Variants in DEFB131B observed in about 807,000 individuals in gnomAD.
The protein encoded by DEFB131B is defensin beta 131B.
In DEFB131B, 2 loss-of-function variants were observed where a neutral mutation model predicts 2.1. The ratio of observed to expected loss-of-function variants is 0.94; its 90% CI spans 0.38 to 2.95. The LOEUF (loss-of-function observed/expected upper bound fraction) is 2.95, where lower values mean the gene tolerates loss of function less well. DEFB131B is among the 30% of genes most tolerant of loss of function. The pLI is 0.09. For synonymous variants in DEFB131B, 26 were observed against 25.8 expected, an observed-to-expected ratio of 1.01 and a Z score of -0.03; for missense variants, 77 against 78.5, an observed-to-expected ratio of 0.98 and a Z score of 0.07.
chr11:71,884,483 T>C lies in DEFB131B; in HGVS notation c.135T>C (p.His45=). ...GACTGAAGTGCAATGCTGATGAACA[T>C]GCAATTAGATACTGTGCTGACTTCA... The part of the protein sequence containing the change: ...HCRLKCNADE[H]AIRYCADFSI... Residue 45 remains histidine, a synonymous_variant, in exon 2 of 2, where the codon CAT becomes CAC. Transcript: ENST00000530210. 1 of 1,610,418 alleles carries C rather than the reference T, an allele frequency of 6.2e-7. No individual in the cohort carries two copies. The highest frequency in any genetic ancestry group is 8.5e-7 in the Non-Finnish European group (1 of 1,178,862).
intron 1 of DEFB131B, among the ~76,000 whole-genome samples, chr11:71,881,381 T>TA (rs1233578946): frequency 6.6e-6 from 1 of 152,136 alleles, no homozygotes; most frequent in African/African-American, 2.4e-5. Context: ...AAGTACCACA[T>TA]AATGGGTGCC....
At position 71,884,533 on chromosome 11, in the gene DEFB131B, T is replaced by G. The variant is rs771063140; in HGVS notation, c.185T>G (p.Ile62Ser). 9 of 1,607,758 alleles carry G rather than the reference T, an allele frequency of 5.6e-6. No homozygotes were observed. The highest frequency in any genetic ancestry group is 2.2e-5 in the East Asian group (1 of 44,724). Residue 62 changes from isoleucine to serine, a missense_variant, in exon 2 of 2, where the codon ATT becomes AGT. By Grantham distance (142) the Ile-to-Ser change is moderately radical. Transcript: ENST00000530210. Reference protein sequence around the residue: ...DFSICCKLKIIQIDGQKKW With the variant: ...DFSICCKLKISQIDGQKKW The stretch of plus-strand genomic sequence containing the variant: ...AGCATCTGCTGCAAACTGAAGATCA[T>G]TCAAATTGATGGACAAAAGAAGTGG...
intron 1 of DEFB131B, among the ~76,000 whole-genome samples, chr11:71,882,981 A>C (rs1438806245): frequency 2.0e-5 from 3 of 152,212 alleles, no homozygotes; most frequent in Non-Finnish European, 4.4e-5. Context: ...GCAAGTAAAG[A>C]AAATCCCATT....
At chr11:71,882,597 T>C (rs1952577345) in intron 1 of DEFB131B, among the ~76,000 whole-genome samples, 1 of 152,212 alleles carries the variant, frequency 6.6e-6, no homozygotes. Flanking sequence ...TTGTCACCAG[T>C]AGTCCTACCT....
rs570559432 is a variant in DEFB131B at position 71,879,735 on chromosome 11, G to C, written c.58+1225G>C. 3.3e-5 allele frequency among the ~76,000 whole-genome samples: 5 copies of C among 152,122 alleles called. No homozygotes were observed. In the East Asian group the frequency reaches 9.6e-4, roughly 29 times the overall value. ...CTAATTCCAGAATATGTTTATCAGC[G>C]CAAGAAGAAATCTCTCCTCCTCCCA... On this transcript the variant is annotated intron_variant, in intron 1 of 1. Transcript: ENST00000530210.
At chr11:71,883,404 T>C (rs944460903) in intron 1 of DEFB131B, among the ~76,000 whole-genome samples, 1 of 152,152 alleles carries the variant, frequency 6.6e-6, no homozygotes, top group Non-Finnish European at 1.5e-5. Context: ...TATAGGCCAC[T>C]GGAAGAGAAT....
intron 1 of DEFB131B, among the ~76,000 whole-genome samples, chr11:71,882,462 C>T (rs1475927110): frequency 1.3e-5 from 2 of 152,136 alleles, no homozygotes; most frequent in East Asian, 3.8e-4. Flanking sequence ...AACCCCTGAC[C>T]CCAGGTGATC....
chr11:71,879,951 T>C (rs1952549743), intron 1 of DEFB131B, among the ~76,000 whole-genome samples: 1 of 152,208 alleles, frequency 6.6e-6, no homozygotes, highest in Admixed American at 6.5e-5. Context: ...CATCAGTATA[T>C]CCCACTTTAA....
At chr11:71,882,494 G>T (rs1290422220) in intron 1 of DEFB131B, among the ~76,000 whole-genome samples, 2 of 152,192 alleles carry the variant, frequency 1.3e-5, no homozygotes, top group African/African-American at 4.8e-5. Context: ...GCCTCCCAAA[G>T]TGCCAGGATT....
At chr11:71,884,380 C>T (rs367833496) in intron 1 of DEFB131B, 27 bp from the exon 2 acceptor site, 2 of 1,552,604 alleles carry the variant, frequency 1.3e-6, no homozygotes, top group African/African-American at 1.4e-5. Flanking sequence ...AATATTGTGT[C>T]ATATAATTTG....
At chr11:71,882,296 C>T (rs573431977) in intron 1 of DEFB131B, among the ~76,000 whole-genome samples, 4 of 151,976 alleles carry the variant, frequency 2.6e-5, no homozygotes, top group Non-Finnish European at 5.9e-5. Flanking sequence ...CACTTTGTCA[C>T]CCAGGCTGGA....
At chr11:71,883,012 A>G (rs1050213887) in intron 1 of DEFB131B, among the ~76,000 whole-genome samples, 10 of 152,220 alleles carry the variant, frequency 6.6e-5, no homozygotes, top group Non-Finnish European at 1.0e-4. Flanking sequence ...AGAAAAAGAT[A>G]AGATATTTAA....
chr11:71,880,345 T>C (rs993302657), intron 1 of DEFB131B, among the ~76,000 whole-genome samples: 1 of 152,182 alleles, frequency 6.6e-6, no homozygotes, highest in African/African-American at 2.4e-5. Flanking sequence ...ATTGTGTTTC[T>C]TTTATATCAG....
intron 1 of DEFB131B, 87 bp from the exon 2 acceptor site, chr11:71,884,320 C>T: frequency 7.4e-7 from 1 of 1,359,152 alleles, no homozygotes; most frequent in Non-Finnish European, 9.6e-7. Context: ...TTCTGTAATG[C>T]TTTTAATTTA....
At chr11:71,884,196 A>G (rs1376464014) in intron 1 of DEFB131B, 11 of 450,524 alleles carry the variant, frequency 2.4e-5, no homozygotes, top group Admixed American at 4.2e-5. Flanking sequence ...TACATTTCCA[A>G]CTACTGCCTC....
chr11:71,882,048 G>A (rs1952566913), intron 1 of DEFB131B, among the ~76,000 whole-genome samples: 1 of 151,716 alleles, frequency 6.6e-6, no homozygotes, highest in Non-Finnish European at 1.5e-5. Context: ...TTAAACATAG[G>A]CATATTATAT....
intron 1 of DEFB131B, among the ~76,000 whole-genome samples, chr11:71,882,403 G>A (rs965377897): frequency 1.3e-5 from 2 of 152,068 alleles, no homozygotes; most frequent in African/African-American, 4.8e-5. Flanking sequence ...GGCTAATTTT[G>A]TATTTTTAGT....
At position 71,880,552 on chromosome 11, in the gene DEFB131B, C is replaced by T. The variant is rs568984664; in HGVS notation, c.58+2042C>T. Among the ~76,000 whole-genome samples the T allele has an allele frequency of 6.6e-5, 10 of 152,088 alleles. No homozygotes were observed. The South Asian group carries it at 1.0e-3, about 16-fold the overall frequency. On this transcript the variant is annotated intron_variant, in intron 1 of 1. Coordinates refer to ENST00000530210, the MANE Select transcript of DEFB131B (RefSeq NM_001242853.1). ...GATTTTTATTATTTCTTTCCTTCTC[C>T]TAAGTTTGGATTTCATTTTTTCTTG... is the stretch of plus-strand genomic sequence containing the variant.
chr11:71,882,135 A>C (rs1246229541), intron 1 of DEFB131B, among the ~76,000 whole-genome samples: 1 of 152,164 alleles, frequency 6.6e-6, no homozygotes, highest in Non-Finnish European at 1.5e-5. Flanking sequence ...ATCTATGGAC[A>C]ACCAAGGATA....
Sources: allele counts gnomAD v4.1 joint callset (sites outside exome capture counted in the v4.1 genomes callset), GRCh38; gene constraint gnomAD v4.1.1; transcripts MANE v1.5; gene names NCBI Gene and HGNC (gene_info 2026-07-23, HGNC 2026-07-21).